The following CNGA3 variants were observed in gnomAD, a reference collection of about 807,000 sequenced individuals.
The protein encoded by CNGA3 is cyclic nucleotide-gated channel alpha-3.
A neutral mutation model predicts 46.6 loss-of-function variants in CNGA3; 42 were observed. The ratio of observed to expected loss-of-function variants is 0.90; its 90% CI spans 0.70 to 1.17. CNGA3 has a LOEUF of 1.17. Ranked by LOEUF, CNGA3 falls within the 50% of genes most tolerant of loss-of-function variation. CNGA3 has a pLI of 0.00. For synonymous variants in CNGA3, 394 were observed against 369.4 expected, an observed-to-expected ratio of 1.07 and a Z score of -0.76; for missense variants, 893 against 890.7, an observed-to-expected ratio of 1.00 and a Z score of -0.03.
chr2:98,348,118 G>A (rs1003144229), intron 1 of CNGA3, among the ~76,000 whole-genome samples: 12 of 152,218 alleles, frequency 7.9e-5, no homozygotes, highest in African/African-American at 2.2e-4. Context: ...GTTCTTTGGG[G>A]TAGGGGGAAG....
chr2:98,394,236 G>A (rs889028922), intron 7 of CNGA3, among the ~76,000 whole-genome samples: 2 of 152,110 alleles, frequency 1.3e-5, no homozygotes, highest in Admixed American at 6.5e-5. Context: ...GCAGGTCATG[G>A]CCTCCTTAAT....
chr2:98,358,470 T>C (rs917403930), intron 1 of CNGA3, among the ~76,000 whole-genome samples: 2 of 152,044 alleles, frequency 1.3e-5, no homozygotes, highest in African/African-American at 4.8e-5. Context: ...GAATCCCCTA[T>C]GAAATTGTCA....
At chr2:98,368,925 A>T (rs1398494250) in intron 1 of CNGA3, among the ~76,000 whole-genome samples, 4 of 152,190 alleles carry the variant, frequency 2.6e-5, no homozygotes, top group African/African-American at 9.7e-5. Context: ...GAAATGTGAA[A>T]ACCTGAAAAG....
In CNGA3 at chr2:98,396,844, C is replaced by T. The variant is rs1692930365; in HGVS notation, c.1674C>T (p.Ser558=). ...TCAGCATTCTGAACATCAAGGGGAG[C>T]AAGTCGGGGAACCGCAGGACGGCCA... ...GEISILNIKG[S]KSGNRRTANI... The change falls in exon 8 of 8, where the codon AGC becomes AGT. Residue 558 remains serine, a synonymous_variant. Transcript: ENST00000272602. 5.6e-6 allele frequency: 9 copies of T among 1,614,054 alleles called. No homozygotes were observed. The highest frequency in any genetic ancestry group is 1.3e-5 in the African/African-American group (1 of 74,912).
At chr2:98,378,737 A>G (rs1189288943) in intron 3 of CNGA3, among the ~76,000 whole-genome samples, 1 of 152,226 alleles carries the variant, frequency 6.6e-6, no homozygotes, top group African/African-American at 2.4e-5. Context: ...TCAGCTCTGT[A>G]GGGCTGATAC....
chr2:98,392,600 A>T (rs907048125), intron 7 of CNGA3, among the ~76,000 whole-genome samples: 1 of 151,608 alleles, frequency 6.6e-6, no homozygotes, highest in African/African-American at 2.4e-5. Flanking sequence ...AAAAGAAAAA[A>T]AAAGAAAAGA....
At chr2:98,387,037 T>C (rs1692670184) in intron 5 of CNGA3, among the ~76,000 whole-genome samples, 1 of 152,224 alleles carries the variant, frequency 6.6e-6, no homozygotes, top group Admixed American at 6.5e-5. Flanking sequence ...AAGTTTGCAG[T>C]AATTTGTTCC....
In CNGA3 at chr2:98,396,233, A is replaced by G. The variant is rs748583869; in HGVS notation, c.1063A>G (p.Ser355Gly). ...HGRLSRKYIYSLYWSTLTLTT... is the reference protein window; with the variant it reads ...HGRLSRKYIYGLYWSTLTLTT... ...GCGCCTCTCCAGGAAGTACATTTAC[A>G]GTCTCTACTGGTCCACCTTGACCCT... Residue 355 changes from serine to glycine, a missense_variant, in exon 8 of 8, where the codon AGT (serine) becomes GGT (glycine). This residue lies in a region of CNGA3 where 548 missense variants were observed against 570.8 expected (regional missense o/e 0.96). Transcript: ENST00000272602. 1.9e-6 allele frequency: 3 copies of G among 1,614,120 alleles called. No individual in the cohort carries two copies.
chr2:98,392,617 CAGGCCGGACTGCAATCTCGA>C (rs1182844766), intron 7 of CNGA3, among the ~76,000 whole-genome samples: 1 of 150,432 alleles, frequency 6.6e-6, no homozygotes, highest in African/African-American at 2.5e-5. Flanking sequence ...AAGAAGTAAG[CAGGCCGGACTGCAATCTCGA>C]AGGACCCCTC....
At chr2:98,387,245 A>C (rs572421252) in intron 5 of CNGA3, among the ~76,000 whole-genome samples, 4 of 152,216 alleles carry the variant, frequency 2.6e-5, no homozygotes, top group African/African-American at 7.2e-5. Flanking sequence ...TTTGATTGTC[A>C]TGAATAATGG....
intron 1 of CNGA3, among the ~76,000 whole-genome samples, chr2:98,368,699 A>G (rs1170343226): frequency 6.6e-6 from 1 of 152,184 alleles, no homozygotes; most frequent in Non-Finnish European, 1.5e-5. Context: ...AGGAGACCAG[A>G]GTTTTATTAT....
Position 98,380,245 on chromosome 2 carries a change from G to C in CNGA3, c.286G>C (p.Asp96His). The change falls in exon 4 of 8, where the codon GAC (aspartate) becomes CAC (histidine). Residue 96 changes from aspartate (D) to histidine (H), a missense_variant. This residue lies in a region of CNGA3 where 333 missense variants were observed against 290.8 expected (regional missense o/e 1.15). Transcript: ENST00000272602. ...RHVHHQDQGP[D>H]SFPDRFRGAE... ...TGTGCACCACCAGGACCAGGGACCGGACTCTTTTCCTGATCGTTTCCGTGG... is the reference window on the plus strand; with the variant it reads ...TGTGCACCACCAGGACCAGGGACCGCACTCTTTTCCTGATCGTTTCCGTGG... 1.2e-6 allele frequency: 2 copies of C among 1,614,216 alleles called. No individual in the cohort carries two copies. The highest frequency in any genetic ancestry group is 1.7e-6 in the Non-Finnish European group (2 of 1,180,042).
intron 6 of CNGA3, 103 bp downstream of exon 6, chr2:98,389,877 C>A: frequency 1.2e-6 from 1 of 801,354 alleles, no homozygotes; most frequent in Non-Finnish European, 2.1e-6. Flanking sequence ...AGGCCTGGAC[C>A]CCTCACGGCC....
chr2:98,377,461 C>T (rs549356441), intron 2 of CNGA3: 7 of 544,332 alleles, frequency 1.3e-5, no homozygotes, highest in South Asian at 5.7e-5. Flanking sequence ...TTTCACCTAG[C>T]CCTGGACAGT....
Position 98,391,874 on chromosome 2 carries a change from G to C in CNGA3, c.577G>C (p.Asp193His), listed in dbSNP as rs375673700. The change falls in exon 7 of 8, where the codon GAT becomes CAT. Residue 193 changes from aspartate to histidine, a missense_variant. By Grantham distance (81) the Asp-to-His change is moderately conservative. Transcript: ENST00000272602. ...WYLLICRACFDELQSEYLMLW... is the reference protein window; with the variant it reads ...WYLLICRACFHELQSEYLMLW... ...ACATGGCTTCTTTAGGGCCTGTTTC[G>C]ATGAGCTGCAGTCCGAGTACCTGAT... The C allele has an allele frequency of 6.2e-7, 1 of 1,613,986 alleles. No homozygotes were observed. Among genetic ancestry groups the C allele is most frequent in the South Asian group, 1.1e-5 (1 of 91,082 alleles).
chr2:98,374,252 A>G (rs1366295185), intron 2 of CNGA3, among the ~76,000 whole-genome samples: 1 of 152,222 alleles, frequency 6.6e-6, no homozygotes. Context: ...TGTGCAAATA[A>G]ACGTAGAACT....
chr2:98,366,687 T>C (rs1336597199), intron 1 of CNGA3, among the ~76,000 whole-genome samples: 1 of 152,164 alleles, frequency 6.6e-6, no homozygotes, highest in African/African-American at 2.4e-5. Flanking sequence ...GCCGCTATGG[T>C]GCACTGTGGG....
At chr2:98,387,211 C>G (rs1423695472) in intron 5 of CNGA3, among the ~76,000 whole-genome samples, 1 of 152,170 alleles carries the variant, frequency 6.6e-6, no homozygotes, top group Admixed American at 6.5e-5. Flanking sequence ...CCTGCATGGT[C>G]GTGTGATTCG....
Position 98,377,684 on chromosome 2 carries a change from T to G in CNGA3, c.102-3T>G, listed in dbSNP as rs1175437818. On this transcript the variant is annotated splice_polypyrimidine_tract_variant and splice_region_variant and intron_variant, in intron 2 of 7. Coordinates refer to ENST00000272602, the MANE Select transcript of CNGA3 (RefSeq NM_001298.3). ...TCTGCTTGCTGCATATCTGATTTCC[T>G]AGAGCCCACTCGTCAAGTGAGGAGA... 1.2e-6 allele frequency: 2 copies of G among 1,612,456 alleles called. No homozygotes were observed. The highest frequency in any genetic ancestry group is 1.7e-6 in the Non-Finnish European group (2 of 1,179,708).
Sources: allele counts gnomAD v4.1 joint callset (sites outside exome capture counted in the v4.1 genomes callset), GRCh38; gene constraint gnomAD v4.1.1; regional missense constraint gnomAD v4.1.1; transcripts MANE v1.5; gene names NCBI Gene and HGNC (gene_info 2026-07-23, HGNC 2026-07-21).